Variants in STXBP5L observed in about 807,000 individuals in gnomAD.
STXBP5L encodes the protein syntaxin binding protein 5L, also known as syntaxin-binding protein 5-like.
Under a neutral mutation model 144.5 loss-of-function variants are expected in STXBP5L, and 65 were observed. The ratio of observed to expected loss-of-function variants is 0.45; its 90% CI spans 0.37 to 0.55. The LOEUF (loss-of-function observed/expected upper bound fraction) is 0.55. Among genes scored for constraint, STXBP5L ranks in the 20% least tolerant of loss-of-function variants. The pLI is 0.00. For synonymous variants in STXBP5L, 505 were observed against 469.6 expected (o/e 1.08, Z -0.97); for missense variants, 1,298 against 1,405.5 (o/e 0.92, Z 1.22).
intron 9 of STXBP5L, 70 bp from the exon 10 acceptor site, chr3:121,205,853 G>A: frequency 2.6e-6 from 2 of 773,654 alleles, no homozygotes; most frequent in South Asian, 4.6e-5. Flanking sequence ...AATTCCCTTA[G>A]TCAAATTTTT....
At chr3:120,997,167 A>T (rs745652292) in intron 3 of STXBP5L, among the ~76,000 whole-genome samples, 2 of 152,172 alleles carry the variant, frequency 1.3e-5, no homozygotes, top group Non-Finnish European at 2.9e-5. Flanking sequence ...TATATGTATC[A>T]CACTTCCTTT....
chr3:121,350,437 T>C (rs2045228290), intron 20 of STXBP5L, among the ~76,000 whole-genome samples: 3 of 152,142 alleles, frequency 2.0e-5, no homozygotes, highest in Admixed American at 1.3e-4. Context: ...ATTATGTGTC[T>C]TGGAGTTGCT....
At chr3:121,004,052 T>G (rs1328588694) in intron 3 of STXBP5L, among the ~76,000 whole-genome samples, 1 of 152,100 alleles carries the variant, frequency 6.6e-6, no homozygotes, top group Non-Finnish European at 1.5e-5. Flanking sequence ...TGGTTCCATA[T>G]GAACTTTAAA....
intron 2 of STXBP5L, among the ~76,000 whole-genome samples, chr3:120,951,900 C>T (rs1016314654): frequency 2.4e-4 from 37 of 151,960 alleles, no homozygotes; most frequent in South Asian, 6.3e-4. Context: ...GACTTGGAAC[C>T]AATCCAAATG....
intron 25 of STXBP5L, among the ~76,000 whole-genome samples, chr3:121,416,471 TTTTA>T (rs140767929): frequency 0.22 from 29,863 of 137,402 alleles, 3,351 homozygotes; most frequent in Non-Finnish European, 0.24. Flanking sequence ...ACTGGTAGAT[TTTTA>T]TTTATTTATT....
intron 12 of STXBP5L, among the ~76,000 whole-genome samples, chr3:121,238,029 C>A (rs1272056144): frequency 6.6e-6 from 1 of 152,146 alleles, no homozygotes; most frequent in Non-Finnish European, 1.5e-5. Context: ...ATCTTCTGAG[C>A]TCTCCAAACT....
At chr3:121,163,297 C>A (rs2046385359) in intron 9 of STXBP5L, among the ~76,000 whole-genome samples, 2 of 152,104 alleles carry the variant, frequency 1.3e-5, no homozygotes, top group Non-Finnish European at 2.9e-5. Context: ...TGGAAACCAT[C>A]ATTCTCAGCA....
chr3:121,195,874 T>A (rs1272126511), intron 9 of STXBP5L, among the ~76,000 whole-genome samples: 1 of 152,186 alleles, frequency 6.6e-6, no homozygotes, highest in Non-Finnish European at 1.5e-5. Context: ...CCCTGCCCCC[T>A]GGGACACATT....
intron 23 of STXBP5L, among the ~76,000 whole-genome samples, chr3:121,407,996 C>T (rs950997031): frequency 2.6e-5 from 4 of 151,934 alleles, no homozygotes; most frequent in Non-Finnish European, 4.4e-5. Flanking sequence ...GTGTTTGATA[C>T]TTCACCCAAG....
chr3:121,220,740 A>T (rs2048948402), intron 10 of STXBP5L, among the ~76,000 whole-genome samples: 1 of 152,070 alleles, frequency 6.6e-6, no homozygotes. Flanking sequence ...CATTAAACTA[A>T]AAATGAAAAA....
intron 5 of STXBP5L, among the ~76,000 whole-genome samples, chr3:121,092,511 G>A (rs2042867929): frequency 1.3e-5 from 2 of 152,096 alleles, no homozygotes; most frequent in Admixed American, 1.3e-4. Flanking sequence ...GGATTCCTAG[G>A]TATTTTATTC....
At chr3:121,350,269 G>T (rs944499065) in intron 20 of STXBP5L, among the ~76,000 whole-genome samples, 1 of 152,112 alleles carries the variant, frequency 6.6e-6, no homozygotes, top group African/African-American at 2.4e-5. Context: ...TTTCCTTTAA[G>T]AATGTTGAAT....
intron 10 of STXBP5L, among the ~76,000 whole-genome samples, chr3:121,206,591 C>T (rs1342128718): frequency 6.6e-6 from 1 of 151,342 alleles, no homozygotes; most frequent in Admixed American, 6.6e-5. Context: ...GGGTGGATCA[C>T]CTGAGGTCAG....
intron 9 of STXBP5L, among the ~76,000 whole-genome samples, chr3:121,181,404 C>A (rs1194792410): frequency 1.8e-5 from 2 of 113,818 alleles, no homozygotes; most frequent in African/African-American, 3.0e-5. Flanking sequence ...GCCTAAGGGC[C>A]CCACTTAAAA....
intron 7 of STXBP5L, among the ~76,000 whole-genome samples, chr3:121,137,727 A>G (rs369074947): frequency 6.6e-6 from 1 of 152,192 alleles, no homozygotes; most frequent in African/African-American, 2.4e-5. Flanking sequence ...ACAAAAGTCA[A>G]CATTCCTTTA....
At chr3:121,064,623 A>C (rs571934928) in intron 5 of STXBP5L, among the ~76,000 whole-genome samples, 1 of 152,354 alleles carries the variant, frequency 6.6e-6, no homozygotes, top group South Asian at 2.1e-4. Flanking sequence ...CATATGTTAT[A>C]TTCCTTTATT....
chr3:120,971,009 C>T (rs911552522), intron 3 of STXBP5L, among the ~76,000 whole-genome samples: 2 of 152,076 alleles, frequency 1.3e-5, no homozygotes, highest in South Asian at 2.1e-4. Flanking sequence ...AGACATTGCC[C>T]CAGAACTGTA....
At chr3:121,000,045 G>A (rs367790066) in intron 3 of STXBP5L, among the ~76,000 whole-genome samples, 1 of 151,998 alleles carries the variant, frequency 6.6e-6, no homozygotes, top group Non-Finnish European at 1.5e-5. Flanking sequence ...TTAATATTTT[G>A]TCCTTCACAT....
At chr3:121,050,793 T>C (rs1576781495) in intron 5 of STXBP5L, among the ~76,000 whole-genome samples, 1 of 152,052 alleles carries the variant, frequency 6.6e-6, no homozygotes, top group African/African-American at 2.4e-5. Flanking sequence ...GACTGGCAAA[T>C]TGGATAAAGA....
Sources: gnomAD v4.1 joint callset for allele counts (sites outside exome capture counted in the v4.1 genomes callset) on GRCh38, gnomAD v4.1.1 for gene constraint, MANE v1.5 for transcripts, NCBI Gene and HGNC (gene_info 2026-07-23, HGNC 2026-07-21) for gene names.